Variants in NIPAL3 observed in about 807,000 individuals in gnomAD.
NIPAL3 encodes the protein NIPA like domain containing 3.
NIPAL3 carries 41 observed loss-of-function variants against 47.2 expected under a neutral mutation model. That is an observed-to-expected ratio of 0.87 (90% confidence interval 0.68 to 1.13). The LOEUF (loss-of-function observed/expected upper bound fraction) is 1.13, where lower values mean the gene tolerates loss of function less well. NIPAL3 is among the 50% of genes most tolerant of loss of function. NIPAL3 has a pLI of 0.00. For missense variants in NIPAL3, 449 were observed against 530.1 expected, an observed-to-expected ratio of 0.85 and a Z score of 1.50; for synonymous variants, 194 against 209.6, an observed-to-expected ratio of 0.93 and a Z score of 0.64.
chr1:24,462,713 G>A (rs1646527659), intron 10 of NIPAL3, among the ~76,000 whole-genome samples: 1 of 152,128 alleles, frequency 6.6e-6, no homozygotes, highest in African/African-American at 2.4e-5. Context: ...GTTGCAGTGA[G>A]CCAAGATCAC....
intron 2 of NIPAL3, among the ~76,000 whole-genome samples, chr1:24,430,674 T>C (rs1644838107): frequency 6.6e-6 from 1 of 152,262 alleles, no homozygotes; most frequent in African/African-American, 2.4e-5. Context: ...AGCAAAGTAC[T>C]GGACACTCCT....
Position 24,470,186 on chromosome 1 carries a change from C to T in NIPAL3, c.*1001C>T, listed in dbSNP as rs1443797393. The T allele has an allele frequency of 1.3e-5, 2 of 152,180 alleles. No homozygotes were observed. The highest frequency in any genetic ancestry group is 1.9e-4 in the East Asian group (1 of 5,192). The allele number at this position is 152,180 out of a possible 1,614,324, so 9.4% of individuals were successfully genotyped here. A position where few individuals can be genotyped will look rare whatever the true frequency, so the allele number is the denominator to read the frequency against. On this transcript the variant is annotated 3_prime_UTR_variant, in exon 12 of 12. Transcript: ENST00000374399. ...ATAGAGACTCTCTGGGTCCTCATCC[C>T]CATGCATATATGTCTGGGAGAAGCA... is the stretch of plus-strand genomic sequence containing the variant.
chr1:24,466,128 C>G (rs760366901), intron 11 of NIPAL3: 1 of 1,581,006 alleles, frequency 6.3e-7, no homozygotes, highest in African/African-American at 1.3e-5. Context: ...AAAATGAGAT[C>G]GAGAAACAGC....
intron 9 of NIPAL3, 43 bp from the exon 10 acceptor site, chr1:24,460,438 T>G (rs777940940): frequency 6.5e-7 from 1 of 1,537,762 alleles, no homozygotes; most frequent in Admixed American, 1.9e-5. Context: ...GATGGGTGAT[T>G]TGAAAACAGC....
chr1:24,464,299 G>T (rs578135742), intron 11 of NIPAL3, 179 bp downstream of exon 11: 1 of 442,064 alleles, frequency 2.3e-6, no homozygotes. Flanking sequence ...GAGGCACCTC[G>T]GTTGGTTTTG....
rs779373663 is a variant in NIPAL3 at position 24,442,198 on chromosome 1, C to T, written c.306C>T (p.Ile102=). 15 of 1,614,096 alleles carry T rather than the reference C, an allele frequency of 9.3e-6. No homozygotes were observed. The highest frequency in any genetic ancestry group is 1.2e-5 in the Non-Finnish European group (14 of 1,180,028). Residue 102 remains isoleucine, a synonymous_variant, in exon 4 of 12, where the codon ATC becomes ATT. Transcript: ENST00000374399. ...ACGCCTTCGCGCCGCTGTCACTCAT[C>T]GTGCCCCTCAGCGCAGTTTCTGTGA... ...ASYAFAPLSL[I]VPLSAVSVIA...
At chr1:24,464,866 A>G (rs990295826) in intron 11 of NIPAL3, 4 of 152,180 alleles carry the variant, frequency 2.6e-5, no homozygotes, top group African/African-American at 9.7e-5. Context: ...CATTAACACA[A>G]TCTCATGAAC....
intron 11 of NIPAL3, among the ~76,000 whole-genome samples, chr1:24,467,214 AGCATTTTGGGAGGCCGAGGCGG>A (rs936804167): frequency 5.3e-5 from 8 of 152,158 alleles, no homozygotes; most frequent in Non-Finnish European, 1.2e-4. Flanking sequence ...CTGTAATCCC[AGCATTTTGGGAGGCCGAGGCGG>A]GCAGATCACA....
In NIPAL3 at chr1:24,442,094, CG is replaced by C; in HGVS notation, c.205del (p.Ala69ProfsTer14). Reference protein sequence around the residue: ...HIRLAGSKDPRAYFKTKTWWL... With the variant: ...HIRLAGSKDPXAYFKTKTWWL... ...CCGCCTGGCAGGCTCCAAGGATCCCCGGGCCTATTTCAAGACCAAGACATGG... is the reference window on the plus strand; with the variant it reads ...CCGCCTGGCAGGCTCCAAGGATCCCCGGCCTATTTCAAGACCAAGACATGG... On this transcript the variant is annotated frameshift_variant, in exon 4 of 12. Coordinates refer to ENST00000374399, the MANE Select transcript of NIPAL3 (RefSeq NM_020448.5). LOFTEE classifies it high-confidence loss of function. The C allele has an allele frequency of 1.2e-6, 2 of 1,614,170 alleles. No individual in the cohort carries two copies. The highest frequency in any genetic ancestry group is 2.7e-5 in the African/African-American group (2 of 75,058).
At chr1:24,465,085 G>C (rs1646639351) in intron 11 of NIPAL3, 1 of 152,036 alleles carries the variant, frequency 6.6e-6, no homozygotes, top group Non-Finnish European at 1.5e-5. Flanking sequence ...GCCTGCCTGA[G>C]TATAGCAACT....
At chr1:24,463,402 G>T (rs1410658905) in intron 10 of NIPAL3, among the ~76,000 whole-genome samples, 2 of 152,166 alleles carry the variant, frequency 1.3e-5, no homozygotes, top group Non-Finnish European at 2.9e-5. Flanking sequence ...TTTCTGAGGG[G>T]GATGGACGTA....
intron 2 of NIPAL3, chr1:24,433,014 G>A (rs920055763): frequency 2.0e-5 from 3 of 152,220 alleles, no homozygotes; most frequent in Non-Finnish European, 4.4e-5. Flanking sequence ...AAGCCCCATA[G>A]TAAAGAAATC....
rs1645810204 is a variant in NIPAL3, at chr1:24,449,125, T to G, written c.395-356T>G. Among the ~76,000 whole-genome samples the G allele has an allele frequency of 6.6e-6, 1 of 152,234 alleles. No homozygotes were observed. Among genetic ancestry groups the G allele is most frequent in the Admixed American group, 6.5e-5 (1 of 15,292 alleles). On this transcript the variant is annotated intron_variant, in intron 5 of 11. Transcript: ENST00000374399. This position sits in a 1 kb window ranked among gnomAD's most constrained non-coding sequence, Gnocchi z 4.5. ...GTTACAGGTCAAGATAGTGTAACCCTGAGGGTGGGGTCTAGTAATCAATTT... is the reference window on the plus strand; with the variant it reads ...GTTACAGGTCAAGATAGTGTAACCCGGAGGGTGGGGTCTAGTAATCAATTT...
intron 2 of NIPAL3, among the ~76,000 whole-genome samples, chr1:24,431,658 G>A (rs2148780124): frequency 6.6e-6 from 1 of 152,184 alleles, no homozygotes; most frequent in South Asian, 2.1e-4. Flanking sequence ...GGGCTTCTCT[G>A]GTTTCTTTCC....
rs555811943 is a variant in NIPAL3, at chr1:24,449,379, T to C, written c.395-102T>C. 3.3e-6 allele frequency: 4 copies of C among 1,197,582 alleles called. No individual in the cohort carries two copies. In the South Asian group the frequency reaches 5.8e-5, roughly 17 times the overall value. The allele number at this position is 1,197,582 out of a possible 1,614,324, so 74.2% of individuals were successfully genotyped here. A position where few individuals can be genotyped will look rare whatever the true frequency, so the allele number is the denominator to read the frequency against. ...CAAAAATACAAACAATACCAGGTCA[T>C]GGTATGTTGCAGGAGAAGCCTGTTT... On this transcript the variant is annotated intron_variant, in intron 5 of 11. Coordinates refer to ENST00000374399, the MANE Select transcript of NIPAL3 (RefSeq NM_020448.5). The surrounding 1 kb of genome is among the most constrained non-coding windows in gnomAD (Gnocchi z 4.5).
At chr1:24,460,600 G>C in intron 10 of NIPAL3, 56 bp downstream of exon 10, 1 of 1,451,352 alleles carries the variant, frequency 6.9e-7, no homozygotes. Flanking sequence ...TTCCAAGCAG[G>C]TTGCCCCTCT....
Position 24,456,272 on chromosome 1 carries a change from GCGTGA to G in NIPAL3, c.773_773+4del. Reference sequence around the variant, plus strand: ...GGTGGCAACCGCCGTCTATCAGGCTGCGTGAGTTACAAATCCTTTTCCTGCTGGGC... The same window carrying G: ...GGTGGCAACCGCCGTCTATCAGGCTGGTTACAAATCCTTTTCCTGCTGGGC... On this transcript the variant is annotated splice_donor_variant and splice_donor_region_variant and coding_sequence_variant and intron_variant, in exon 8 of 12. Transcript: ENST00000374399. LOFTEE classifies it high-confidence loss of function. 6.2e-7 allele frequency: 1 copy of G among 1,614,208 alleles called. No individual in the cohort carries two copies. Among genetic ancestry groups the G allele is most frequent in the Non-Finnish European group, 8.5e-7 (1 of 1,180,024 alleles).
intron 2 of NIPAL3, among the ~76,000 whole-genome samples, chr1:24,431,700 A>C (rs1167775456): frequency 6.6e-6 from 1 of 152,044 alleles, no homozygotes; most frequent in Non-Finnish European, 1.5e-5. Context: ...AAACTGAATT[A>C]AAGGGGGTTG....
Position 24,419,360 on chromosome 1 carries a change from C to CT in NIPAL3, c.-187dup. On this transcript the variant is annotated 5_prime_UTR_variant, in exon 2 of 12. The change creates a premature stop within an existing upstream ORF in the 5' untranslated region. Transcript: ENST00000374399. ...GAGAGCCACGGAAATTGGCACTTCT[C>CT]TGAGTGAAGCTGAGGAGAAGGCTGT... The CT allele has an allele frequency of 1.5e-6, 2 of 1,294,254 alleles. No individual in the cohort carries two copies. The highest frequency in any genetic ancestry group is 2.0e-6 in the Non-Finnish European group (2 of 1,022,988). 80.2% of individuals were successfully genotyped at this position (1,294,254 alleles called of 1,614,324 possible).
Sources: gnomAD v4.1 joint callset for allele counts (sites outside exome capture counted in the v4.1 genomes callset) on GRCh38, gnomAD v4.1.1 for gene constraint, Gnocchi (gnomAD v3.1) non-coding constraint, MANE v1.5 for transcripts, NCBI Gene and HGNC (gene_info 2026-07-23, HGNC 2026-07-21) for gene names.